The following LINGO2 variants were observed in gnomAD, a reference collection of about 807,000 sequenced individuals.
LINGO2 encodes leucine-rich repeat and immunoglobulin-like domain-containing nogo receptor-interacting protein 2.
LINGO2 carries 14 observed loss-of-function variants against 30.6 expected under a neutral mutation model. The observed-to-expected ratio is 0.46, with a 90% confidence interval of 0.30 to 0.72. LINGO2 has a LOEUF of 0.72. LINGO2 is among the 30% of genes least tolerant of loss of function. The pLI is 0.07. For synonymous variants in LINGO2, 317 were observed against 288.5 expected (o/e 1.10, Z -1.00); for missense variants, 729 against 751.7 (o/e 0.97, Z 0.35).
At chr9:28,238,202 C>A (rs1278379849) in intron 4 of LINGO2, among the ~76,000 whole-genome samples, 1 of 151,966 alleles carries the variant, frequency 6.6e-6, no homozygotes, top group Non-Finnish European at 1.5e-5. Flanking sequence ...GATTTCAACA[C>A]CCCACTTTAA....
chr9:28,158,507 G>T (rs1457834234), intron 4 of LINGO2, among the ~76,000 whole-genome samples: 2 of 152,194 alleles, frequency 1.3e-5, no homozygotes, highest in African/African-American at 4.8e-5. Flanking sequence ...TCTCTCCCTA[G>T]CCTTTTCTTT....
chr9:29,060,865 GA>G, the LINGO2 span, among the ~76,000 whole-genome samples: 1 of 151,584 alleles, frequency 6.6e-6, no homozygotes, highest in Admixed American at 6.6e-5. Context: ...AAAATGATAG[GA>G]AAAAAAATTT....
chr9:28,161,739 C>T (rs1176613453), intron 4 of LINGO2, among the ~76,000 whole-genome samples: 3 of 151,916 alleles, frequency 2.0e-5, no homozygotes, highest in Non-Finnish European at 4.4e-5. Flanking sequence ...ATGATCCAAT[C>T]AGAAGATTCT....
intron 1 of LINGO2, among the ~76,000 whole-genome samples, chr9:28,505,986 C>T (rs1004053994): frequency 6.6e-6 from 1 of 151,810 alleles, no homozygotes; most frequent in Non-Finnish European, 1.5e-5. Flanking sequence ...TATTATATCT[C>T]TAGGTCCAGC....
chr9:27,965,740 G>A lies in LINGO2; in HGVS notation c.-35-15034C>T, dbSNP rs1820070217. Among the ~76,000 whole-genome samples, 4 of 151,992 alleles carry A rather than the reference G, an allele frequency of 2.6e-5. No individual in the cohort carries two copies. In the South Asian group the frequency reaches 8.3e-4, roughly 32 times the overall value. Reference sequence around the variant, plus strand: ...ACATAGAAATACTTGGACATATATAGTATGCCTATTCTACTTAAAATTTTA... The same window carrying A: ...ACATAGAAATACTTGGACATATATAATATGCCTATTCTACTTAAAATTTTA... On this transcript the variant is annotated intron_variant, in intron 5 of 5. Transcript: ENST00000379992.
the LINGO2 span, among the ~76,000 whole-genome samples, chr9:28,902,665 G>T: frequency 6.6e-6 from 1 of 152,034 alleles, no homozygotes; most frequent in African/African-American, 2.4e-5. Flanking sequence ...AATTTTAAAA[G>T]ATTGAAATTA....
At chr9:28,635,669 ATAAG>A (rs1266906123) in intron 1 of LINGO2, among the ~76,000 whole-genome samples, 1 of 152,162 alleles carries the variant, frequency 6.6e-6, no homozygotes, top group African/African-American at 2.4e-5. Context: ...TTTAAAAGTC[ATAAG>A]TAAAAGTAAA....
intron 5 of LINGO2, among the ~76,000 whole-genome samples, chr9:28,004,841 C>T (rs1046249826): frequency 2.6e-5 from 4 of 152,096 alleles, no homozygotes; most frequent in African/African-American, 4.8e-5. Context: ...TTGGAGAATG[C>T]GGCAGGGATC....
intron 5 of LINGO2, among the ~76,000 whole-genome samples, chr9:27,956,224 G>C (rs1035882777): frequency 5.3e-5 from 8 of 152,204 alleles, no homozygotes; most frequent in Non-Finnish European, 1.0e-4. Flanking sequence ...TTACAGGCGT[G>C]AGTCACTGCG....
chr9:27,966,016 G>GTT lies in LINGO2; in HGVS notation c.-35-15312_-35-15311dup, dbSNP rs1403635032. Among the ~76,000 whole-genome samples, 11 of 152,048 alleles carry GTT rather than the reference G, an allele frequency of 7.2e-5. No homozygotes were observed. In the South Asian group the frequency reaches 2.3e-3, roughly 32 times the overall value. On this transcript the variant is annotated intron_variant, in intron 5 of 5. Coordinates refer to ENST00000379992, the Ensembl canonical transcript of LINGO2. ...AGAACAATATTAACTATCCTACAGG[G>GTT]TTACTGTGTGAATGAAATGTGATCG...
At chr9:28,676,772 G>C in the LINGO2 span, among the ~76,000 whole-genome samples, 5 of 151,982 alleles carry the variant, frequency 3.3e-5, no homozygotes, top group African/African-American at 1.2e-4. Context: ...TTAATCTTTT[G>C]AAAACCCAAG....
chr9:28,056,692 T>C (rs946718097), intron 4 of LINGO2, among the ~76,000 whole-genome samples: 6 of 152,160 alleles, frequency 3.9e-5, no homozygotes, highest in Admixed American at 3.9e-4. Flanking sequence ...TCTGCAGATG[T>C]ATGGAGCAGA....
chr9:28,034,229 G>A (rs1373051886), intron 4 of LINGO2, among the ~76,000 whole-genome samples: 2 of 152,194 alleles, frequency 1.3e-5, no homozygotes, highest in African/African-American at 4.8e-5. Context: ...TTGTAACAAC[G>A]CAGCTCCTTT....
intron 5 of LINGO2, among the ~76,000 whole-genome samples, chr9:27,985,750 C>T (rs1364262348): frequency 1.3e-5 from 2 of 151,710 alleles, no homozygotes; most frequent in East Asian, 2.0e-4. Context: ...CCTTGAAATT[C>T]CCCCCAACAC....
At chr9:28,094,756 A>G (rs969898933) in intron 4 of LINGO2, among the ~76,000 whole-genome samples, 1 of 152,078 alleles carries the variant, frequency 6.6e-6, no homozygotes, top group African/African-American at 2.4e-5. Flanking sequence ...AGATGAAATC[A>G]TACTGAAAAG....
At position 28,495,307 on chromosome 9, in the gene LINGO2, A is replaced by G. The variant is rs1214698382; in HGVS notation, c.-364-19282T>C. ...GTCCTTGCCCATGCCTATGTCCTGA[A>G]TGGTATTGCCTAGCTTTTCTTCTAG... On this transcript the variant is annotated intron_variant, in intron 1 of 5. Coordinates refer to ENST00000379992, the Ensembl canonical transcript of LINGO2. Among the ~76,000 whole-genome samples, 75 of 152,262 alleles carry G rather than the reference A, an allele frequency of 4.9e-4. 1 individual carries two copies. The highest frequency in any genetic ancestry group is 1.6e-4 in the Non-Finnish European group (11 of 68,028).
intron 5 of LINGO2, among the ~76,000 whole-genome samples, chr9:27,979,496 A>G (rs1820754941): frequency 6.6e-6 from 1 of 152,094 alleles, no homozygotes; most frequent in South Asian, 2.1e-4. Flanking sequence ...CTGGAATTAA[A>G]TAATTGTGTG....
the LINGO2 span, among the ~76,000 whole-genome samples, chr9:28,935,408 T>C: frequency 4.6e-5 from 7 of 152,204 alleles, no homozygotes; most frequent in African/African-American, 1.2e-4. Context: ...CTTGTGGCTG[T>C]CCTATAGTTA....
the LINGO2 span, among the ~76,000 whole-genome samples, chr9:29,047,199 C>G: frequency 6.3e-4 from 96 of 151,850 alleles, no homozygotes; most frequent in Middle Eastern, 6.8e-3. Context: ...GGTACTTAAA[C>G]AAATTTAAAA....
Sources: allele counts gnomAD v4.1 joint callset (sites outside exome capture counted in the v4.1 genomes callset), GRCh38; gene constraint gnomAD v4.1.1; transcripts MANE v1.5; gene names NCBI Gene and HGNC (gene_info 2026-07-23, HGNC 2026-07-21).